ABHD12: variants seen among roughly 807,000 people sequenced by gnomAD.
ABHD12 encodes abhydrolase domain containing 12, lysophospholipase, also known as lysophosphatidylserine lipase ABHD12.
Under a neutral mutation model 58.3 loss-of-function variants are expected in ABHD12, and 43 were observed. The ratio of observed to expected loss-of-function variants is 0.74; its 90% confidence interval spans 0.58 to 0.95. The LOEUF (loss-of-function observed/expected upper bound fraction) is 0.95, where lower values mean the gene tolerates loss of function less well. Ranked by LOEUF, ABHD12 falls within the 40% of genes least tolerant of loss-of-function variation. The probability of loss-of-function intolerance (pLI) is 0.00; values close to 1 mark genes in which losing one functional copy is unlikely to be tolerated. For missense variants in ABHD12, 539 were observed against 537.2 expected (o/e 1.00, Z -0.03); for synonymous variants, 219 against 211.2 (o/e 1.04, Z -0.32).
intron 1 of ABHD12, among the ~76,000 whole-genome samples, chr20:25,350,328 T>G (rs989721209): frequency 7.2e-5 from 11 of 152,248 alleles, no homozygotes; most frequent in African/African-American, 2.7e-4. Context: ...GATTTGGCTG[T>G]GTCCCCACCT....
downstream of ABHD12, among the ~76,000 whole-genome samples, chr20:25,298,730 T>C (rs1205586237): frequency 6.6e-6 from 1 of 152,182 alleles, no homozygotes; most frequent in East Asian, 1.9e-4. Context: ...GCCCATCAAT[T>C]GTACAGTTGC....
intron 2 of ABHD12, among the ~76,000 whole-genome samples, chr20:25,336,702 G>A (rs1465545650): frequency 2.6e-5 from 4 of 152,306 alleles, no homozygotes; most frequent in Non-Finnish European, 5.9e-5. Context: ...GCTCCATGCT[G>A]CTCCTCTGAA....
rs947299461 is a variant in ABHD12, at chr20:25,313,839, T to C, written c.619+1086A>G. On this transcript the variant is annotated intron_variant, in intron 6 of 12. Transcript: ENST00000339157. ...AGTCGCTCATTGTTAACACCAAGTA[T>C]TTCTGTTGCCTATTAAGCCACAGTG... Among the ~76,000 whole-genome samples the C allele has an allele frequency of 3.3e-5, 5 of 152,144 alleles. No individual in the cohort carries two copies. The South Asian group carries it at 1.0e-3, about 32-fold the overall frequency.
chr20:25,367,657 A>C (rs2089841562), intron 1 of ABHD12, among the ~76,000 whole-genome samples: 1 of 152,204 alleles, frequency 6.6e-6, no homozygotes, highest in Non-Finnish European at 1.5e-5. Flanking sequence ...ACGTAAGTGG[A>C]ATCATACAGT....
intron 4 of ABHD12, among the ~76,000 whole-genome samples, chr20:25,319,924 A>G (rs577264839): frequency 6.6e-6 from 1 of 152,282 alleles, no homozygotes; most frequent in Admixed American, 6.5e-5. Flanking sequence ...AGCTTCCCAC[A>G]CTTGGTCCCC....
At chr20:25,323,301 G>C in intron 3 of ABHD12, 24 bp downstream of exon 3, 1 of 1,480,262 alleles carries the variant, frequency 6.8e-7, no homozygotes, top group Non-Finnish European at 9.5e-7. Context: ...TGCTGGAGGG[G>C]CTGCAGAGCT....
At chr20:25,379,266 C>CT (rs2089995052) in intron 1 of ABHD12, among the ~76,000 whole-genome samples, 1 of 151,762 alleles carries the variant, frequency 6.6e-6, no homozygotes, top group African/African-American at 2.4e-5. Context: ...CCTTGTCATC[C>CT]TTTTTAAAAA....
At chr20:25,327,703 T>C (rs1375170464) in intron 2 of ABHD12, among the ~76,000 whole-genome samples, 1 of 152,196 alleles carries the variant, frequency 6.6e-6, no homozygotes, top group Non-Finnish European at 1.5e-5. Context: ...ACTGCCTTTA[T>C]AGGACTAACA....
chr20:25,384,314 C>T (rs551661377), intron 1 of ABHD12, among the ~76,000 whole-genome samples: 1 of 149,184 alleles, frequency 6.7e-6, no homozygotes, highest in East Asian at 1.9e-4. Context: ...AATTTAAAAA[C>T]AAAAAAAACT....
chr20:25,344,356 G>A (rs558344674), intron 1 of ABHD12, among the ~76,000 whole-genome samples: 13 of 152,298 alleles, frequency 8.5e-5, no homozygotes, highest in Admixed American at 2.6e-4. Flanking sequence ...TCCAGGATAC[G>A]AGGTTAATAT....
chr20:25,306,765 G>C (rs1487620629), intron 10 of ABHD12, 68 bp downstream of exon 10: 8 of 1,075,752 alleles, frequency 7.4e-6, no homozygotes, highest in African/African-American at 1.6e-5. Context: ...TGTGACTAAA[G>C]AGGCTCATCC....
In ABHD12 at chr20:25,312,180, CCCACGGTCTCCCTCTCCCTCTCTTT is replaced by C. The variant is rs763328743; in HGVS notation, c.620-2630_620-2606del. On this transcript the variant is annotated intron_variant, in intron 6 of 12. Transcript: ENST00000339157. The stretch of plus-strand genomic sequence containing the variant: ...AAAAAATAAAATAGCTCTCCCTCTC[CCCACGGTCTCCCTCTCCCTCTCTTT>C]CCACGGTCTCTCTCTGATGCCAAGC... Among the ~76,000 whole-genome samples, 293 of 152,140 alleles carry C rather than the reference CCCACGGTCTCCCTCTCCCTCTCTTT, an allele frequency of 1.9e-3. 1 individual carries two copies. The highest frequency in any genetic ancestry group is 3.4e-3 in the Middle Eastern group (1 of 294).
chr20:25,316,937 C>CA (rs2088973232), intron 5 of ABHD12, 111 bp downstream of exon 5: 6 of 1,026,424 alleles, frequency 5.8e-6, no homozygotes, highest in Non-Finnish European at 9.1e-6. Flanking sequence ...CTCACACACA[C>CA]AAACAGCCCA....
At chr20:25,330,558 GTCCCTGTCTGACAGC>G (rs1289263569) in intron 2 of ABHD12, among the ~76,000 whole-genome samples, 1 of 152,252 alleles carries the variant, frequency 6.6e-6, no homozygotes, top group Non-Finnish European at 1.5e-5. Flanking sequence ...AGACTTAAAT[GTCCCTGTCTGACAGC>G]TCTGAAGAGA....
In ABHD12 at chr20:25,349,096, AAAAG is replaced by A. The variant is rs1403247406; in HGVS notation, c.192-9749_192-9746del. Among the ~76,000 whole-genome samples, 553 of 151,734 alleles carry A rather than the reference AAAAG, an allele frequency of 3.6e-3. 4 individuals carry two copies. The highest frequency in any genetic ancestry group is 0.013 in the African/African-American group (524 of 41,310). On this transcript the variant is annotated intron_variant, in intron 1 of 12. Coordinates refer to ENST00000339157, the MANE Select transcript of ABHD12 (RefSeq NM_001042472.3). ...GAGACTCCGTCTCAAAAAAAAAAAA[AAAAG>A]AAAAAAAGAAACAGATATTGTATCA...
chr20:25,303,333 C>T lies in ABHD12; in HGVS notation c.1029+217G>A, dbSNP rs771516754. 497 of 1,452,022 alleles carry T rather than the reference C, an allele frequency of 3.4e-4. 1 individual carries two copies. Among genetic ancestry groups the T allele is most frequent in the Middle Eastern group, 1.8e-3 (7 of 3,982 alleles). 89.9% of individuals were successfully genotyped at this position (1,452,022 alleles called of 1,614,324 possible). ...GGAGACAGCATCAGTGGGCCCCTGC[C>T]CCAACCTTTACACCAGACCTCCCAT... On this transcript the variant is annotated intron_variant, in intron 11 of 12. Transcript: ENST00000339157.
At chr20:25,305,468 T>A (rs1437539322) in intron 10 of ABHD12, among the ~76,000 whole-genome samples, 5 of 151,680 alleles carry the variant, frequency 3.3e-5, no homozygotes, top group Admixed American at 2.6e-4. Context: ...GTTCAAGCGA[T>A]TCTCCTGCCT....
chr20:25,374,296 T>C (rs1317800969), intron 1 of ABHD12, among the ~76,000 whole-genome samples: 1 of 152,078 alleles, frequency 6.6e-6, no homozygotes, highest in African/African-American at 2.4e-5. Context: ...TTGGTTCTCT[T>C]TTCCCCAGGT....
intron 2 of ABHD12, among the ~76,000 whole-genome samples, chr20:25,338,575 T>A (rs1242004630): frequency 6.6e-6 from 1 of 151,976 alleles, no homozygotes; most frequent in Non-Finnish European, 1.5e-5. Context: ...TCCTCCCACA[T>A]CTCCAAAAGT....
Sources: gnomAD v4.1 joint callset for allele counts (sites outside exome capture counted in the v4.1 genomes callset) on GRCh38, gnomAD v4.1.1 for gene constraint, MANE v1.5 for transcripts, NCBI Gene and HGNC (gene_info 2026-07-23, HGNC 2026-07-21) for gene names.